The following PES1 variants were observed in gnomAD, a reference collection of about 807,000 sequenced individuals.
PES1 encodes pescadillo homolog.
PES1 carries 31 observed loss-of-function variants against 77.1 expected under a neutral mutation model. That is an observed-to-expected ratio of 0.40 (90% CI 0.30 to 0.54). The LOEUF (loss-of-function observed/expected upper bound fraction) is 0.54. Ranked by LOEUF, PES1 falls within the 20% of genes least tolerant of loss-of-function variation. The probability of loss-of-function intolerance (pLI) is 0.45; values close to 1 mark genes in which losing one functional copy is unlikely to be tolerated. For synonymous variants in PES1, 282 were observed against 303.0 expected, an observed-to-expected ratio of 0.93 and a Z score of 0.72; for missense variants, 658 against 771.7, an observed-to-expected ratio of 0.85 and a Z score of 1.75.
chr22:30,584,961 GAATGCTCACC>G (rs771144999), intron 4 of PES1, among the ~76,000 whole-genome samples: 1 of 152,170 alleles, frequency 6.6e-6, no homozygotes, highest in Non-Finnish European at 1.5e-5. Context: ...TCAAGACACC[GAATGCTCACC>G]AAAGACCCAG....
chr22:30,588,730 C>T (rs982137374), intron 2 of PES1, among the ~76,000 whole-genome samples: 3 of 151,620 alleles, frequency 2.0e-5, no homozygotes, highest in Non-Finnish European at 4.4e-5. Flanking sequence ...TTGCAGTGAG[C>T]TGAGATCACG....
chr22:30,580,729 C>G (rs775325322), intron 9 of PES1, 28 bp from the exon 10 acceptor site: 1 of 1,611,630 alleles, frequency 6.2e-7, no homozygotes, highest in East Asian at 2.2e-5. Context: ...AGGCCTCGCA[C>G]CACCAGGGCT....
At chr22:30,593,599 G>A (rs572530236), upstream of PES1, among the ~76,000 whole-genome samples, 46 of 152,264 alleles carry the variant, frequency 3.0e-4, no homozygotes, top group Admixed American at 9.8e-4. Flanking sequence ...CATGTGGCCT[G>A]GGCAGTCATC....
chr22:30,596,497 T>TAA (rs781592593), upstream of PES1, among the ~76,000 whole-genome samples: 12 of 132,118 alleles, frequency 9.1e-5, no homozygotes, highest in Admixed American at 2.3e-4. Context: ...ATTTAAAACT[T>TAA]AAAAAAAAAA....
intron 2 of PES1, among the ~76,000 whole-genome samples, chr22:30,588,684 G>A (rs1398372681): frequency 6.6e-6 from 1 of 152,128 alleles, no homozygotes; most frequent in Non-Finnish European, 1.5e-5. Context: ...TCGGGAGGCT[G>A]AGGCAGGAGA....
upstream of PES1, among the ~76,000 whole-genome samples, chr22:30,596,685 A>C (rs4820876): frequency 1.3e-5 from 2 of 151,740 alleles, no homozygotes; most frequent in Non-Finnish European, 1.5e-5. Context: ...GTACTGAGAG[A>C]TGATGCGTGC....
In PES1 at chr22:30,597,506, T is replaced by TG. The variant is rs554527444; in HGVS notation, c.-660-5109dup. Among the ~76,000 whole-genome samples, 63 of 151,138 alleles carry TG rather than the reference T, an allele frequency of 4.2e-4. No individual in the cohort carries two copies. The East Asian group carries it at 7.2e-3, about 17-fold the overall frequency. On this transcript the variant is annotated intron_variant, in intron 2 of 16. Transcript: ENST00000402281. ...GTGTCTAGCTGATCTTGTGGGGACT[T>TG]GGAGAACATTTATGTCTAGCTAAGG...
At chr22:30,600,514 C>G (rs918587435) in intron 2 of PES1, among the ~76,000 whole-genome samples, 1 of 151,848 alleles carries the variant, frequency 6.6e-6, no homozygotes. Flanking sequence ...GAGGTCCTGT[C>G]TCTATTAAAT....
chr22:30,588,305 G>T, intron 2 of PES1, 131 bp from the exon 3 acceptor site: 1 of 965,836 alleles, frequency 1.0e-6, no homozygotes, highest in Non-Finnish European at 1.6e-6. Flanking sequence ...TCACATCCTA[G>T]TACATGAGTC....
intron 2 of PES1, chr22:30,601,985 T>G (rs916273732): frequency 1.3e-5 from 2 of 151,874 alleles, no homozygotes; most frequent in Non-Finnish European, 2.9e-5. Flanking sequence ...GTTGATCAGG[T>G]TGGTCTTGTT....
intron 3 of PES1, 113 bp from the exon 4 acceptor site, chr22:30,587,508 C>A: frequency 1.3e-6 from 1 of 761,082 alleles, no homozygotes. Context: ...CTGAAGCTGG[C>A]CACGGCTATG....
chr22:30,599,681 C>T lies in PES1; in HGVS notation c.-661+5780G>A, dbSNP rs572752631. On this transcript the variant is annotated intron_variant, in intron 2 of 16. Transcript: ENST00000402281. The stretch of plus-strand genomic sequence containing the variant: ...TTGGGAGGCTGAGGTGGGCGGATCA[C>T]CTGAGGTTGGGAGATCAAGACCAGC... 9.2e-5 allele frequency among the ~76,000 whole-genome samples: 14 copies of T among 152,090 alleles called. No homozygotes were observed. In the East Asian group the frequency reaches 2.5e-3, roughly 27 times the overall value.
intron 2 of PES1, among the ~76,000 whole-genome samples, chr22:30,596,918 A>T (rs1399418644): frequency 6.6e-6 from 1 of 151,210 alleles, no homozygotes; most frequent in Non-Finnish European, 1.5e-5. Context: ...AGCTAGAGTT[A>T]AGGGTGGGCG....
intron 1 of PES1, chr22:30,605,554 A>G: frequency 1.1e-6 from 1 of 935,726 alleles, no homozygotes; most frequent in Non-Finnish European, 1.3e-6. Flanking sequence ...TACTGGAAAC[A>G]GGCAGAGGGT....
intron 6 of PES1, 113 bp downstream of exon 6, chr22:30,584,252 G>T: frequency 3.6e-6 from 3 of 828,662 alleles, no homozygotes; most frequent in Non-Finnish European, 6.0e-6. Flanking sequence ...CTCATCAACA[G>T]TTGGGAACCC....
chr22:30,578,524 C>A lies in PES1; in HGVS notation c.1683+313G>T, dbSNP rs140178281. On this transcript the variant is annotated intron_variant, in intron 14 of 14. Transcript: ENST00000354694. ...AGATAGAAGTTTAACAAAGCTCCCC[C>A]CCGCCACCCCCGCCCCCAGTCCTTG... Among the ~76,000 whole-genome samples, 215 of 152,308 alleles carry A rather than the reference C, an allele frequency of 1.4e-3. 10 individuals are homozygous for A. The East Asian group carries it at 0.034, about 24-fold the overall frequency.
upstream of PES1, chr22:30,592,252 A>C: frequency 9.9e-7 from 1 of 1,007,358 alleles, no homozygotes; most frequent in Non-Finnish European, 1.2e-6. Context: ...ATGGTGCGCG[A>C]TAGGATTGCG....
intron 2 of PES1, 60 bp from the exon 3 acceptor site, chr22:30,588,234 C>G: frequency 3.1e-6 from 5 of 1,603,822 alleles, no homozygotes; most frequent in Non-Finnish European, 4.3e-6. Flanking sequence ...GAGCACTGGC[C>G]ACAGCTGGGC....
chr22:30,594,929 C>T (rs2084298596), upstream of PES1, among the ~76,000 whole-genome samples: 1 of 151,966 alleles, frequency 6.6e-6, no homozygotes, highest in South Asian at 2.1e-4. Flanking sequence ...GAGGTTGAGG[C>T]TGCAGTGAGG....
Sources: gnomAD v4.1 joint callset for allele counts (sites outside exome capture counted in the v4.1 genomes callset) on GRCh38, gnomAD v4.1.1 for gene constraint, MANE v1.5 for transcripts, NCBI Gene and HGNC (gene_info 2026-07-23, HGNC 2026-07-21) for gene names.